Variants in ITGA5 observed in about 807,000 individuals in gnomAD.
The protein encoded by ITGA5 is integrin subunit alpha 5, also known as integrin alpha-5.
ITGA5 carries 55 observed loss-of-function variants against 146.3 expected under a neutral mutation model. That is an observed-to-expected ratio of 0.38 (90% CI 0.30 to 0.47). ITGA5 has a LOEUF of 0.47. ITGA5 is among the 20% of genes least tolerant of loss of function. The pLI, the probability that ITGA5 is intolerant of heterozygous loss-of-function variation, is 0.99. For synonymous variants in ITGA5, 500 were observed against 531.8 expected (o/e 0.94, Z 0.82); for missense variants, 1,131 against 1,329.0 (o/e 0.85, Z 2.32).
At position 54,401,130 on chromosome 12, in the gene ITGA5, C is replaced by G. The variant is rs898895633; in HGVS notation, c.2494-135G>C. 5 of 967,670 alleles carry G rather than the reference C, an allele frequency of 5.2e-6. No homozygotes were observed. The highest frequency in any genetic ancestry group is 4.6e-6 in the Non-Finnish European group (3 of 654,168). The allele number at this position is 967,670 out of a possible 1,614,324, so 59.9% of individuals were successfully genotyped here. ...AGAGATGAAGCAGGGAAGCAATGGGCAGAGGTGAAATCCTCTCTAGCCAAC... is the reference window on the plus strand; with the variant it reads ...AGAGATGAAGCAGGGAAGCAATGGGGAGAGGTGAAATCCTCTCTAGCCAAC... On this transcript the variant is annotated intron_variant, in intron 24 of 29. Coordinates refer to ENST00000293379, the MANE Select transcript of ITGA5 (RefSeq NM_002205.5). This position sits in a 1 kb window ranked among gnomAD's most constrained non-coding sequence, Gnocchi z 5.0.
chr12:54,399,234 G>A (rs889759537), intron 27 of ITGA5, among the ~76,000 whole-genome samples: 1 of 152,132 alleles, frequency 6.6e-6, no homozygotes, highest in African/African-American at 2.4e-5. Flanking sequence ...AGATGACTAC[G>A]TGTTCAATAA....
chr12:54,405,029 G>A (rs567315639), intron 12 of ITGA5, 135 bp from the exon 13 acceptor site: 2 of 1,183,578 alleles, frequency 1.7e-6, no homozygotes, highest in South Asian at 3.0e-5. Flanking sequence ...CAAATCCCAA[G>A]ACCCAGACAG....
Position 54,399,882 on chromosome 12 carries a change from G to A in ITGA5, c.2709C>T (p.Ser903=). Residue 903 remains serine (S), a synonymous_variant, in exon 26 of 30, where the codon TCC becomes TCT. Coordinates refer to ENST00000293379, the MANE Select transcript of ITGA5 (RefSeq NM_002205.5). ...KREAPSRSSA[S]SGPQILKCPE... ...GACTTACCAGGATCTGAGGTCCCGA[G>A]GAAGCAGAGCTGCGGCTTGGAGCTT... is the stretch of plus-strand genomic sequence containing the variant. 11 of 1,614,150 alleles carry A rather than the reference G, an allele frequency of 6.8e-6. No homozygotes were observed. Among genetic ancestry groups the A allele is most frequent in the Non-Finnish European group, 6.8e-6 (8 of 1,179,990 alleles).
chr12:54,397,211 T>G, intron 29 of ITGA5, 154 bp downstream of exon 29: 1 of 676,408 alleles, frequency 1.5e-6, no homozygotes, highest in Non-Finnish European at 2.5e-6. Flanking sequence ...GGGGGGATCT[T>G]ATAGGAAGGG....
In ITGA5 at chr12:54,398,612, G is replaced by T; in HGVS notation, c.2928C>A (p.Pro976=). 6.2e-7 allele frequency: 1 copy of T among 1,610,970 alleles called. No homozygotes were observed. Among genetic ancestry groups the T allele is most frequent in the Non-Finnish European group, 8.5e-7 (1 of 1,178,600 alleles). The part of the protein sequence containing the change: ...MPYRILPRQL[P]QKERQVATAV... ...CTAGACTCACCTGACGCTCTTTTTG[G>T]GGCAGCTGCCGAGGCAGGATTCGGT... The change falls in exon 28 of 30, where the codon CCC becomes CCA. Residue 976 remains proline (P), a synonymous_variant. Transcript: ENST00000293379.
intron 9 of ITGA5, among the ~76,000 whole-genome samples, chr12:54,406,499 C>T (rs1161874909): frequency 2.0e-5 from 3 of 152,198 alleles, no homozygotes; most frequent in Admixed American, 1.3e-4. Flanking sequence ...CCAGCTCTCC[C>T]AGCAGATCTA....
Position 54,409,811 on chromosome 12 carries a change from C to A in ITGA5, c.350-214G>T. ...TCTCTCCACTACACACATACACATA[C>A]ACACACACACATACATACACACGCA... On this transcript the variant is annotated intron_variant, in intron 2 of 29. Transcript: ENST00000293379. This position sits in a 1 kb window ranked among gnomAD's most constrained non-coding sequence, Gnocchi z 4.7. The A allele has an allele frequency of 2.2e-6, 1 of 449,910 alleles. No homozygotes were observed. The highest frequency in any genetic ancestry group is 2.6e-5 in the South Asian group (1 of 39,064). 27.9% of individuals were successfully genotyped at this position (449,910 alleles called of 1,614,324 possible). A position where few individuals can be genotyped will look rare whatever the true frequency, so the allele number is the denominator to read the frequency against.
At position 54,409,369 on chromosome 12, in the gene ITGA5, G is replaced by A. The variant is rs1442241330; in HGVS notation, c.463-17C>T. The A allele has an allele frequency of 2.5e-6, 4 of 1,610,834 alleles. No homozygotes were observed. Among genetic ancestry groups the A allele is most frequent in the Non-Finnish European group, 3.4e-6 (4 of 1,178,658 alleles). ...AGCGCATGCCTGGGAGGGCCCAGGA[G>A]GAGGGGCCTTCAGATTCAGTCCAAT... On this transcript the variant is annotated splice_polypyrimidine_tract_variant and intron_variant, in intron 3 of 29. Coordinates refer to ENST00000293379, the MANE Select transcript of ITGA5 (RefSeq NM_002205.5). This position sits in a 1 kb window ranked among gnomAD's most constrained non-coding sequence, Gnocchi z 4.7.
At position 54,411,738 on chromosome 12, in the gene ITGA5, C is replaced by G. The variant is rs894634259; in HGVS notation, c.349+96G>C. The stretch of plus-strand genomic sequence containing the variant: ...GCTGAGAGGTCACGTGGCCGGGGTT[C>G]CAGCAGGCTCCACCCCTCGCCCCAG... On this transcript the variant is annotated intron_variant, in intron 2 of 29. Coordinates refer to ENST00000293379, the MANE Select transcript of ITGA5 (RefSeq NM_002205.5). 18 of 1,127,754 alleles carry G rather than the reference C, an allele frequency of 1.6e-5. No homozygotes were observed. The East Asian group carries it at 2.1e-4, about 13-fold the overall frequency. The allele number at this position is 1,127,754 out of a possible 1,614,324, so 69.9% of individuals were successfully genotyped here. A position where few individuals can be genotyped will look rare whatever the true frequency, so the allele number is the denominator to read the frequency against.
chr12:54,400,553 G>A (rs145490810), intron 25 of ITGA5: 8 of 342,936 alleles, frequency 2.3e-5, no homozygotes, highest in Admixed American at 4.5e-5. Context: ...ACAGGCATTC[G>A]GGCCCAGAGG....
intron 25 of ITGA5, 77 bp from the exon 26 acceptor site, chr12:54,400,024 G>T: frequency 1.0e-6 from 1 of 967,102 alleles, no homozygotes; most frequent in Non-Finnish European, 1.7e-6. Context: ...TTCCAGAGCA[G>T]CTTCAACCTA....
At position 54,409,744 on chromosome 12, in the gene ITGA5, C is replaced by G. The variant is rs1955917353; in HGVS notation, c.350-147G>C. 3.3e-6 allele frequency: 2 copies of G among 602,712 alleles called. No individual in the cohort carries two copies. Among genetic ancestry groups the G allele is most frequent in the Non-Finnish European group, 2.9e-6 (1 of 339,124 alleles). 37.3% of individuals were successfully genotyped at this position (602,712 alleles called of 1,614,324 possible). A position where few individuals can be genotyped will look rare whatever the true frequency, so the allele number is the denominator to read the frequency against. ...CTGGGAGTGTGGAATTGGTAAGGAG[C>G]TTAATTCTGCTTTGTGTAGTCTGTT... On this transcript the variant is annotated intron_variant, in intron 2 of 29. Transcript: ENST00000293379. This position sits in a 1 kb window ranked among gnomAD's most constrained non-coding sequence, Gnocchi z 4.7.
rs1270917665 is a variant in ITGA5 at position 54,402,273 on chromosome 12, G to A, written c.2040C>T (p.Ala680=). 1 of 1,613,980 alleles carries A rather than the reference G, an allele frequency of 6.2e-7. No individual in the cohort carries two copies. The highest frequency in any genetic ancestry group is 8.5e-7 in the Non-Finnish European group (1 of 1,180,002). The part of the protein sequence containing the change: ...DKNALNLTFH[A]QNVGEGGAYE... ...AGGCGCCACCCTCACCCACATTCTG[G>A]GCATGGAAAGTGAGGTTCAGGGCAT... Residue 680 remains alanine, a synonymous_variant, in exon 20 of 30, where the codon GCC becomes GCT. Transcript: ENST00000293379.
At chr12:54,405,515 C>T (rs192443574) in intron 11 of ITGA5, 141 bp from the exon 12 acceptor site, 1 of 1,021,696 alleles carries the variant, frequency 9.8e-7, no homozygotes, top group East Asian at 2.4e-5. Context: ...TCAGCTCTTT[C>T]CTTGTCCCTG....
At chr12:54,410,575 G>C (rs1007678300) in intron 2 of ITGA5, among the ~76,000 whole-genome samples, 2 of 150,576 alleles carry the variant, frequency 1.3e-5, no homozygotes, top group African/African-American at 4.9e-5. Context: ...TTTAAACAGG[G>C]TCTTGCTCTG....
intron 1 of ITGA5, among the ~76,000 whole-genome samples, chr12:54,415,308 G>T (rs749957851): frequency 1.6e-4 from 24 of 152,162 alleles, no homozygotes; most frequent in Non-Finnish European, 8.8e-5. Context: ...TTGGTCCTTG[G>T]AGACACAGAC....
chr12:54,418,429 A>AG (rs957214802), intron 1 of ITGA5, among the ~76,000 whole-genome samples: 4 of 151,836 alleles, frequency 2.6e-5, no homozygotes, highest in African/African-American at 9.7e-5. Flanking sequence ...GTCTGAGTTG[A>AG]GGGGGGAGGG....
intron 1 of ITGA5, among the ~76,000 whole-genome samples, chr12:54,418,384 G>A (rs1389978081): frequency 1.3e-5 from 2 of 152,072 alleles, no homozygotes; most frequent in African/African-American, 4.8e-5. Context: ...GGAGAAAGGA[G>A]AGGGAGCCGC....
At position 54,408,202 on chromosome 12, in the gene ITGA5, G is replaced by A. The variant is rs1483399544; in HGVS notation, c.725C>T (p.Ala242Val). ...QILSATQEQI[A>V]ESYYPEYLIN... ...CAGGTACTCGGGGTAATAAGATTCT[G>A]CAATCTGCTCCTGAGTGGCAGACAG... The change falls in exon 7 of 30, where the codon GCA becomes GTA. Residue 242 changes from alanine (A) to valine (V), a missense_variant. Around this residue, in one of 3 missense-constraint regions of ITGA5, gnomAD observed 889 missense variants for 1,021.5 expected, o/e 0.87. Coordinates refer to ENST00000293379, the MANE Select transcript of ITGA5 (RefSeq NM_002205.5). 15 of 1,614,038 alleles carry A rather than the reference G, an allele frequency of 9.3e-6. No homozygotes were observed. The highest frequency in any genetic ancestry group is 1.3e-5 in the Non-Finnish European group (15 of 1,180,034).
Sources: gnomAD v4.1 joint callset for allele counts (sites outside exome capture counted in the v4.1 genomes callset) on GRCh38, gnomAD v4.1.1 for gene constraint, gnomAD v4.1.1 regional missense constraint, Gnocchi (gnomAD v3.1) non-coding constraint, MANE v1.5 for transcripts, NCBI Gene and HGNC (gene_info 2026-07-23, HGNC 2026-07-21) for gene names.